The following HMG20A variants were observed in gnomAD, a reference collection of about 807,000 sequenced individuals.
HMG20A encodes high mobility group protein 20A.
Under a neutral mutation model 43.9 loss-of-function variants are expected in HMG20A, and 17 were observed. The observed-to-expected ratio is 0.39, with a 90% CI of 0.27 to 0.58. The LOEUF (loss-of-function observed/expected upper bound fraction) is 0.58, where lower values mean the gene tolerates loss of function less well. Ranked by LOEUF, HMG20A falls within the 20% of genes least tolerant of loss-of-function variation. The pLI is 0.59. For synonymous variants in HMG20A, 132 were observed against 147.5 expected (o/e 0.89, Z 0.76); for missense variants, 341 against 438.2 (o/e 0.78, Z 1.98).
At chr15:77,493,938 T>C in the HMG20A span, among the ~76,000 whole-genome samples, 1 of 152,306 alleles carries the variant, frequency 6.6e-6, no homozygotes, top group Non-Finnish European at 1.5e-5. Flanking sequence ...AGCATTTATA[T>C]TGACAATTCT....
At chr15:77,424,542 T>G (rs1335341511) in intron 1 of HMG20A, among the ~76,000 whole-genome samples, 1 of 152,206 alleles carries the variant, frequency 6.6e-6, no homozygotes, top group African/African-American at 2.4e-5. Context: ...GAAGCTTCAT[T>G]AATGCAATTA....
At chr15:77,505,506 C>T in the HMG20A span, among the ~76,000 whole-genome samples, 1 of 152,200 alleles carries the variant, frequency 6.6e-6, no homozygotes. Context: ...TCTCTGCTCC[C>T]ACACCCTACG....
intron 1 of HMG20A, among the ~76,000 whole-genome samples, chr15:77,441,627 A>G (rs1354234442): frequency 6.6e-6 from 1 of 152,130 alleles, no homozygotes; most frequent in Non-Finnish European, 1.5e-5. Context: ...AGCTCTTCCT[A>G]CTGCCTCAGG....
the HMG20A span, among the ~76,000 whole-genome samples, chr15:77,509,540 G>C: frequency 1.3e-5 from 2 of 148,842 alleles, no homozygotes; most frequent in African/African-American, 4.9e-5. Context: ...ACAGGCATGA[G>C]CCTCTGTGCC....
At chr15:77,489,208 C>T (rs1299422211), downstream of HMG20A, among the ~76,000 whole-genome samples, 2 of 152,206 alleles carry the variant, frequency 1.3e-5, no homozygotes, top group African/African-American at 2.4e-5. Context: ...AAATAACAGA[C>T]ATATACCATA....
intron 1 of HMG20A, among the ~76,000 whole-genome samples, chr15:77,452,644 A>G (rs961592053): frequency 1.3e-5 from 2 of 152,218 alleles, no homozygotes; most frequent in Non-Finnish European, 2.9e-5. Context: ...TAAAATTATA[A>G]AGCTCTTAGA....
chr15:77,453,140 A>G (rs1243235833), intron 1 of HMG20A, among the ~76,000 whole-genome samples: 2 of 152,198 alleles, frequency 1.3e-5, no homozygotes, highest in African/African-American at 2.4e-5. Context: ...CTGAAGCACA[A>G]GAATCGCTTG....
Position 77,483,739 on chromosome 15 carries a change from C to G in HMG20A, c.*776C>G, listed in dbSNP as rs1045519396. ...TTGCTCCTGCACAGACATGGAGTCC[C>G]AGCCCCAGCAAGGCTCTTCTGTTCC... On this transcript the variant is annotated 3_prime_UTR_variant, in exon 10 of 10. Coordinates refer to ENST00000336216, the MANE Select transcript of HMG20A (RefSeq NM_001304504.2). The G allele has an allele frequency of 4.6e-5, 7 of 152,700 alleles. No individual in the cohort carries two copies. Among genetic ancestry groups the G allele is most frequent in the Non-Finnish European group, 7.3e-5 (5 of 68,076 alleles). 9.5% of individuals were successfully genotyped at this position (152,700 alleles called of 1,614,324 possible).
At chr15:77,492,092 A>C in the HMG20A span, among the ~76,000 whole-genome samples, 1 of 152,256 alleles carries the variant, frequency 6.6e-6, no homozygotes, top group South Asian at 2.1e-4. Context: ...TTCTAAGTGC[A>C]TAAAATACAA....
intron 1 of HMG20A, among the ~76,000 whole-genome samples, chr15:77,456,048 A>G (rs1292512335): frequency 6.6e-6 from 1 of 152,188 alleles, no homozygotes; most frequent in East Asian, 1.9e-4. Context: ...CTGAGAAAAT[A>G]TATCTGAAAC....
chr15:77,432,491 G>T (rs1190678855), intron 1 of HMG20A, among the ~76,000 whole-genome samples: 2 of 152,132 alleles, frequency 1.3e-5, no homozygotes, highest in Non-Finnish European at 2.9e-5. Context: ...GGAGGCCGAG[G>T]TGGGTGGATC....
chr15:77,445,351 A>G (rs2073660989), intron 1 of HMG20A, among the ~76,000 whole-genome samples: 1 of 152,152 alleles, frequency 6.6e-6, no homozygotes, highest in Non-Finnish European at 1.5e-5. Context: ...TTAACTATGA[A>G]TTTTATGTTT....
intron 1 of HMG20A, among the ~76,000 whole-genome samples, chr15:77,439,454 T>G (rs1202592912): frequency 6.6e-6 from 1 of 152,178 alleles, no homozygotes. Flanking sequence ...TACGGTTGTT[T>G]TACTTGTTAT....
chr15:77,425,608 T>G (rs1287404385), intron 1 of HMG20A, among the ~76,000 whole-genome samples: 1 of 152,048 alleles, frequency 6.6e-6, no homozygotes, highest in Non-Finnish European at 1.5e-5. Context: ...AAAAGTAAAT[T>G]GTTACTAATA....
intron 1 of HMG20A, among the ~76,000 whole-genome samples, chr15:77,457,363 C>G (rs1457750503): frequency 6.6e-6 from 1 of 152,170 alleles, no homozygotes; most frequent in Non-Finnish European, 1.5e-5. Flanking sequence ...AGTGAATTCT[C>G]ATAATTTGCT....
chr15:77,498,541 T>A, the HMG20A span, among the ~76,000 whole-genome samples: 2 of 152,132 alleles, frequency 1.3e-5, no homozygotes, highest in Non-Finnish European at 2.9e-5. Context: ...CTTCCCAGGG[T>A]TCCTGTAGCT....
rs188706150 is a variant in HMG20A, at chr15:77,475,701, G to T, written c.616-1854G>T. 2.0e-4 allele frequency among the ~76,000 whole-genome samples: 30 copies of T among 152,346 alleles called. No homozygotes were observed. In the East Asian group the frequency reaches 3.1e-3, roughly 16 times the overall value. ...GTTATGCCTTGTGCATGTTGGGATT[G>T]TGTGTCATTAAGTTTTGTTTTCCTG... On this transcript the variant is annotated intron_variant, in intron 6 of 9. Coordinates refer to ENST00000336216, the MANE Select transcript of HMG20A (RefSeq NM_001304504.2).
rs374626780 is a variant in HMG20A at position 77,453,638 on chromosome 15, CA to C, written c.-4-4765del. On this transcript the variant is annotated intron_variant, in intron 1 of 9. Coordinates refer to ENST00000336216, the MANE Select transcript of HMG20A (RefSeq NM_001304504.2). ...TTTATACACAAATGTTCATAAGCAG[CA>C]GCATTCATAATAACCAAAAAGTAGA... Among the ~76,000 whole-genome samples the C allele has an allele frequency of 9.9e-5, 15 of 152,260 alleles. No homozygotes were observed. The East Asian group carries it at 2.9e-3, about 29-fold the overall frequency.
intron 1 of HMG20A, among the ~76,000 whole-genome samples, chr15:77,436,707 C>CCTCAGCCT (rs1387864922): frequency 6.6e-6 from 1 of 152,144 alleles, no homozygotes; most frequent in African/African-American, 2.4e-5. Flanking sequence ...AATCCACCTG[C>CCTCAGCCT]CTCAGCCTCC....
Sources: gnomAD v4.1 joint callset for allele counts (sites outside exome capture counted in the v4.1 genomes callset) on GRCh38, gnomAD v4.1.1 for gene constraint, MANE v1.5 for transcripts, NCBI Gene and HGNC (gene_info 2026-07-23, HGNC 2026-07-21) for gene names.